PDK1: variants seen among roughly 807,000 people sequenced by gnomAD.
PDK1 encodes the protein pyruvate dehydrogenase kinase 1.
Under a neutral mutation model 54.2 loss-of-function variants are expected in PDK1, and 39 were observed. The ratio of observed to expected loss-of-function variants is 0.72; its 90% CI spans 0.56 to 0.94. The LOEUF (loss-of-function observed/expected upper bound fraction) is 0.94, where lower values mean the gene tolerates loss of function less well. Among genes scored for constraint, PDK1 ranks in the 40% least tolerant of loss-of-function variants. The pLI is 0.00. For missense variants in PDK1, 552 were observed against 566.0 expected (o/e 0.98, Z 0.25); for synonymous variants, 221 against 207.1 (o/e 1.07, Z -0.58).
the PDK1 span, among the ~76,000 whole-genome samples, chr2:172,668,945 A>AGG: frequency 0.033 from 4,831 of 147,146 alleles, 417 homozygotes; most frequent in East Asian, 0.37. Context: ...AGAGAAAGAG[A>AGG]GAGAGACGGA....
At chr2:172,641,861 C>G in the PDK1 span, among the ~76,000 whole-genome samples, 96,889 of 152,000 alleles carry the variant, frequency 0.64, 32,135 homozygotes, top group Non-Finnish European at 0.74. Flanking sequence ...TACAACCTGC[C>G]TTGGGGAAGA....
At chr2:172,671,875 A>C in the PDK1 span, among the ~76,000 whole-genome samples, 1 of 152,216 alleles carries the variant, frequency 6.6e-6, no homozygotes, top group Non-Finnish European at 1.5e-5. Flanking sequence ...AGTGAAATAC[A>C]TTTCAGAGAA....
intron 6 of PDK1, among the ~76,000 whole-genome samples, chr2:172,568,522 T>A (rs1032368400): frequency 6.6e-6 from 1 of 152,124 alleles, no homozygotes; most frequent in African/African-American, 2.4e-5. Context: ...GATGCAAGAT[T>A]GTGAGAAGTG....
In PDK1 at chr2:172,570,837, A is replaced by T. The variant is rs1379984395; in HGVS notation, c.945+13A>T. On this transcript the variant is annotated intron_variant, in intron 8 of 10. Coordinates refer to ENST00000282077, the MANE Select transcript of PDK1 (RefSeq NM_002610.5). ...TTTGACTGTGAAGGTAAATGTGTTT[A>T]ATGGTTTGTTTTCTTTTTTTTTTTT... The T allele has an allele frequency of 6.7e-7, 1 of 1,486,942 alleles. No individual in the cohort carries two copies. Among genetic ancestry groups the T allele is most frequent in the Non-Finnish European group, 9.3e-7 (1 of 1,076,072 alleles). The allele number at this position is 1,486,942 out of a possible 1,614,324, so 92.1% of individuals were successfully genotyped here.
the PDK1 span, among the ~76,000 whole-genome samples, chr2:172,637,420 C>T: frequency 6.0e-5 from 9 of 150,512 alleles, no homozygotes; most frequent in African/African-American, 2.2e-4. Context: ...TGGCCCCGTA[C>T]CTGATACACC....
At chr2:172,668,855 A>T in the PDK1 span, among the ~76,000 whole-genome samples, 1 of 140,762 alleles carries the variant, frequency 7.1e-6, no homozygotes, top group Non-Finnish European at 1.5e-5. Flanking sequence ...ACACACACAC[A>T]TATATATGTA....
At chr2:172,649,245 A>G in the PDK1 span, among the ~76,000 whole-genome samples, 9 of 152,270 alleles carry the variant, frequency 5.9e-5, no homozygotes, top group African/African-American at 1.7e-4. Flanking sequence ...CCTCCAGCAA[A>G]CTCCAACAGA....
intron 2 of PDK1, among the ~76,000 whole-genome samples, chr2:172,559,445 C>T (rs1688538270): frequency 6.6e-6 from 1 of 152,182 alleles, no homozygotes; most frequent in Admixed American, 6.5e-5. Context: ...AAAATGTCTG[C>T]AATTTGTTGA....
chr2:172,578,202 T>C (rs942386160), intron 8 of PDK1, among the ~76,000 whole-genome samples: 2 of 152,224 alleles, frequency 1.3e-5, no homozygotes, highest in Admixed American at 6.5e-5. Flanking sequence ...TACAATCTTA[T>C]TGAATATTGC....
the PDK1 span, among the ~76,000 whole-genome samples, chr2:172,652,719 AT>A: frequency 6.6e-6 from 1 of 152,196 alleles, no homozygotes; most frequent in Non-Finnish European, 1.5e-5. Flanking sequence ...CCTATTCACA[AT>A]TTGCTTCAAA....
At chr2:172,706,247 G>A in the PDK1 span, among the ~76,000 whole-genome samples, 1 of 150,488 alleles carries the variant, frequency 6.6e-6, no homozygotes, top group Admixed American at 6.6e-5. Flanking sequence ...AGGCTACAGT[G>A]TAAAACCTTT....
At chr2:172,718,891 G>A in the PDK1 span, among the ~76,000 whole-genome samples, 2 of 152,130 alleles carry the variant, frequency 1.3e-5, no homozygotes, top group South Asian at 2.1e-4. Context: ...ACAGTTCTAT[G>A]AGTTTGGACA....
intron 2 of PDK1, among the ~76,000 whole-genome samples, chr2:172,560,959 T>C (rs933109822): frequency 5.3e-5 from 8 of 152,230 alleles, no homozygotes; most frequent in African/African-American, 1.9e-4. Context: ...AGTTTTCTTT[T>C]TGTAAGCATT....
At chr2:172,626,703 A>G in the PDK1 span, among the ~76,000 whole-genome samples, 1 of 151,998 alleles carries the variant, frequency 6.6e-6, no homozygotes, top group African/African-American at 2.4e-5. Flanking sequence ...CTGAGGTGGG[A>G]GGATTGCTTG....
At chr2:172,589,434 G>C (rs547552844) in intron 9 of PDK1, among the ~76,000 whole-genome samples, 2 of 152,354 alleles carry the variant, frequency 1.3e-5, no homozygotes, top group Admixed American at 1.3e-4. Context: ...AAGCTGCAGA[G>C]TAGCTGCTTA....
chr2:172,719,926 T>G, the PDK1 span, among the ~76,000 whole-genome samples: 1 of 152,320 alleles, frequency 6.6e-6, no homozygotes, highest in African/African-American at 2.4e-5. Flanking sequence ...GTCTTATTAT[T>G]TTTGACTGAA....
chr2:172,715,794 A>G, the PDK1 span, among the ~76,000 whole-genome samples: 2 of 152,236 alleles, frequency 1.3e-5, no homozygotes, highest in East Asian at 1.9e-4. Context: ...TGTAATGGAA[A>G]CATTCAAACA....
chr2:172,647,494 A>G, the PDK1 span, among the ~76,000 whole-genome samples: 4 of 152,238 alleles, frequency 2.6e-5, no homozygotes, highest in Admixed American at 1.3e-4. Flanking sequence ...AAGTAGTGCT[A>G]ATTCAAGGAC....
chr2:172,651,472 A>G, the PDK1 span, among the ~76,000 whole-genome samples: 3 of 152,216 alleles, frequency 2.0e-5, no homozygotes, highest in African/African-American at 4.8e-5. Context: ...AATAACTAAG[A>G]TCAGAGCAGA....
Sources: allele counts gnomAD v4.1 joint callset (sites outside exome capture counted in the v4.1 genomes callset), GRCh38; gene constraint gnomAD v4.1.1; transcripts MANE v1.5; gene names NCBI Gene and HGNC (gene_info 2026-07-23, HGNC 2026-07-21).